Variants in EYS observed in about 807,000 individuals in gnomAD.
EYS encodes the protein EGF-like photoreceptor maintenance factor.
EYS carries 250 observed loss-of-function variants against 282.1 expected under a neutral mutation model. The ratio of observed to expected loss-of-function variants is 0.89; its 90% CI spans 0.80 to 0.98. EYS has a LOEUF of 0.98. Among genes scored for constraint, EYS ranks in the 50% least tolerant of loss-of-function variants. The probability of loss-of-function intolerance (pLI) is 0.00; values close to 1 mark genes in which losing one functional copy is unlikely to be tolerated. For missense variants in EYS, 4,016 were observed against 3,709.0 expected, an observed-to-expected ratio of 1.08 and a Z score of -2.15; for synonymous variants, 1,355 against 1,282.9, an observed-to-expected ratio of 1.06 and a Z score of -1.20.
chr6:63,998,797 T>C (rs1162556312), intron 34 of EYS, among the ~76,000 whole-genome samples: 1 of 151,878 alleles, frequency 6.6e-6, no homozygotes, highest in Non-Finnish European at 1.5e-5. Flanking sequence ...CTGTCTTTTT[T>C]TTTTTTTTTT....
At chr6:64,755,800 C>G (rs1254998937) in intron 22 of EYS, among the ~76,000 whole-genome samples, 1 of 152,020 alleles carries the variant, frequency 6.6e-6, no homozygotes, top group Non-Finnish European at 1.5e-5. Context: ...ACAATATACA[C>G]TATTCAGATG....
At chr6:63,782,136 G>T (rs937474461) in intron 39 of EYS, among the ~76,000 whole-genome samples, 1 of 152,134 alleles carries the variant, frequency 6.6e-6, no homozygotes, top group Non-Finnish European at 1.5e-5. Context: ...TTGATGTGCT[G>T]CTGGATTCAG....
chr6:65,537,518 GCA>G (rs3049757), intron 2 of EYS, among the ~76,000 whole-genome samples: 1 of 151,050 alleles, frequency 6.6e-6, no homozygotes, highest in Non-Finnish European at 1.5e-5. Context: ...TATATAACAT[GCA>G]CACACACACA....
At chr6:65,294,491 T>C (rs1768608715) in intron 12 of EYS, among the ~76,000 whole-genome samples, 2 of 151,894 alleles carry the variant, frequency 1.3e-5, no homozygotes, top group African/African-American at 4.8e-5. Flanking sequence ...TTATATTATA[T>C]TCCAGTAATA....
intron 2 of EYS, among the ~76,000 whole-genome samples, chr6:65,609,037 T>C (rs1178162314): frequency 6.6e-6 from 1 of 152,104 alleles, no homozygotes; most frequent in African/African-American, 2.4e-5. Flanking sequence ...AAAATAATGA[T>C]TAAAAACATA....
At chr6:64,648,729 A>G (rs1022143392) in intron 22 of EYS, among the ~76,000 whole-genome samples, 1 of 152,226 alleles carries the variant, frequency 6.6e-6, no homozygotes, top group African/African-American at 2.4e-5. Flanking sequence ...CAGAAGGTAC[A>G]ACTACTAACT....
intron 19 of EYS, among the ~76,000 whole-genome samples, chr6:64,853,940 G>T (rs1007050495): frequency 5.9e-5 from 9 of 151,776 alleles, no homozygotes; most frequent in Non-Finnish European, 1.5e-5. Context: ...GTGGGTGAAG[G>T]ATATGAACAG....
rs185642664 is a variant in EYS at position 63,932,024 on chromosome 6, G to A, written c.7055+52359C>T. Among the ~76,000 whole-genome samples the A allele has an allele frequency of 1.1e-3, 171 of 152,036 alleles. 1 individual carries two copies. Among genetic ancestry groups the A allele is most frequent in the Non-Finnish European group, 1.7e-3 (114 of 67,968 alleles). On this transcript the variant is annotated intron_variant, in intron 35 of 42. Coordinates refer to ENST00000503581, the MANE Select transcript of EYS (RefSeq NM_001142800.2). Reference sequence around the variant, plus strand: ...TTTCCACATATGAATGAGAACATGCGGTTTCTATATGTAGTTTCCACATAT... The same window carrying A: ...TTTCCACATATGAATGAGAACATGCAGTTTCTATATGTAGTTTCCACATAT...
At chr6:64,951,015 G>C (rs1355408902) in intron 14 of EYS, among the ~76,000 whole-genome samples, 1 of 151,224 alleles carries the variant, frequency 6.6e-6, no homozygotes, top group East Asian at 2.0e-4. Flanking sequence ...GTTTGCAGCA[G>C]CTTCTTTGAA....
At chr6:64,022,885 C>T (rs1213714985) in intron 33 of EYS, among the ~76,000 whole-genome samples, 1 of 152,220 alleles carries the variant, frequency 6.6e-6, no homozygotes, top group African/African-American at 2.4e-5. Flanking sequence ...ATAGCAAAGA[C>T]CACCCTGTCT....
chr6:64,366,172 A>G (rs1772173150), intron 29 of EYS, among the ~76,000 whole-genome samples: 1 of 151,962 alleles, frequency 6.6e-6, no homozygotes, highest in Non-Finnish European at 1.5e-5. Flanking sequence ...TTTCCCGTTA[A>G]TATTGGTTGA....
intron 1 of EYS, among the ~76,000 whole-genome samples, chr6:65,646,847 A>G (rs568292746): frequency 1.5e-4 from 23 of 152,328 alleles, no homozygotes; most frequent in African/African-American, 5.5e-4. Flanking sequence ...AATGTACACA[A>G]ATCAGTAGCT....
intron 11 of EYS, among the ~76,000 whole-genome samples, chr6:65,296,764 A>G (rs1376375404): frequency 6.6e-6 from 1 of 151,846 alleles, no homozygotes; most frequent in Non-Finnish European, 1.5e-5. Context: ...ATTTTCCCAT[A>G]GTAATTTCAA....
chr6:65,614,166 A>G (rs1207914554), intron 2 of EYS, among the ~76,000 whole-genome samples: 1 of 152,016 alleles, frequency 6.6e-6, no homozygotes, highest in Non-Finnish European at 1.5e-5. Context: ...TTTCATAACT[A>G]AATCTGAAAT....
chr6:65,569,324 G>C (rs920476535), intron 2 of EYS, among the ~76,000 whole-genome samples: 1 of 151,594 alleles, frequency 6.6e-6, no homozygotes, highest in Non-Finnish European at 1.5e-5. Context: ...ACTCTTTTTC[G>C]GACTCAGCCC....
intron 13 of EYS, among the ~76,000 whole-genome samples, chr6:65,003,412 T>C (rs1771531889): frequency 6.8e-6 from 1 of 147,514 alleles, no homozygotes; most frequent in Non-Finnish European, 1.5e-5. Context: ...TAAGATGTTA[T>C]CAACGAAATG....
At chr6:64,711,998 A>G (rs149622371) in intron 22 of EYS, among the ~76,000 whole-genome samples, 3 of 152,314 alleles carry the variant, frequency 2.0e-5, no homozygotes, top group Admixed American at 6.5e-5. Flanking sequence ...GTGGGGATTG[A>G]TAAGAGGAAA....
At chr6:64,562,631 A>G (rs1765432317) in intron 26 of EYS, among the ~76,000 whole-genome samples, 1 of 151,920 alleles carries the variant, frequency 6.6e-6, no homozygotes, top group Non-Finnish European at 1.5e-5. Flanking sequence ...TTTATTAGAG[A>G]GAGAAAGAGA....
intron 33 of EYS, among the ~76,000 whole-genome samples, chr6:64,028,182 G>T (rs993075289): frequency 2.6e-5 from 4 of 152,204 alleles, no homozygotes; most frequent in Non-Finnish European, 5.9e-5. Flanking sequence ...CCTACTTGAG[G>T]AGGGAATCAA....
Sources: gnomAD v4.1 joint callset for allele counts (sites outside exome capture counted in the v4.1 genomes callset) on GRCh38, gnomAD v4.1.1 for gene constraint, MANE v1.5 for transcripts, NCBI Gene and HGNC (gene_info 2026-07-23, HGNC 2026-07-21) for gene names.